Variants in SOBP observed in about 807,000 individuals in gnomAD.
The protein encoded by SOBP is sine oculis-binding protein homolog.
A neutral mutation model predicts 53.6 loss-of-function variants in SOBP; 4 were observed. The observed-to-expected ratio is 0.07, with a 90% CI of 0.04 to 0.17. The LOEUF is 0.17. SOBP is among the 10% of genes least tolerant of loss of function. The pLI is 1.00. For missense variants in SOBP, 1,088 were observed against 1,204.7 expected (o/e 0.90, Z 1.43); for synonymous variants, 584 against 522.6 (o/e 1.12, Z -1.60).
chr6:107,578,983 A>G (rs1785322127), intron 4 of SOBP, among the ~76,000 whole-genome samples: 1 of 152,156 alleles, frequency 6.6e-6, no homozygotes, highest in Non-Finnish European at 1.5e-5. Flanking sequence ...TAGTGATTTC[A>G]GAGAAAAGGA....
chr6:107,533,579 C>A lies in SOBP; in HGVS notation c.542C>A (p.Ala181Asp), dbSNP rs1583182279. The A allele has an allele frequency of 6.2e-7, 1 of 1,614,150 alleles. No individual in the cohort carries two copies. Among genetic ancestry groups the A allele is most frequent in the Non-Finnish European group, 8.5e-7 (1 of 1,180,012 alleles). Residue 181 changes from alanine (A) to aspartate (D), a missense_variant, in exon 4 of 7, where the codon GCC becomes GAC. By Grantham distance (126) the Ala-to-Asp change is moderately radical (BLOSUM62 -2). Coordinates refer to ENST00000317357, the MANE Select transcript of SOBP (RefSeq NM_018013.4). ...KSFCSEKCFA[A>D]CRRAYFKRNK... Reference sequence around the variant, plus strand: ...TTCTGCAGCGAGAAGTGCTTTGCGGCCTGCCGACGAGCCTACTTCAAGAGA... The same window carrying A: ...TTCTGCAGCGAGAAGTGCTTTGCGGACTGCCGACGAGCCTACTTCAAGAGA...
At chr6:107,602,835 A>G (rs1157673464) in intron 5 of SOBP, among the ~76,000 whole-genome samples, 1 of 152,200 alleles carries the variant, frequency 6.6e-6, no homozygotes, top group African/African-American at 2.4e-5. Context: ...ATGTCTGCAC[A>G]ACTCAAAACT....
intron 5 of SOBP, among the ~76,000 whole-genome samples, chr6:107,616,480 C>G (rs1386780070): frequency 2.0e-5 from 3 of 152,244 alleles, no homozygotes; most frequent in Non-Finnish European, 4.4e-5. Context: ...CTAGCTTCCT[C>G]TCTGGTCACA....
intron 3 of SOBP, among the ~76,000 whole-genome samples, chr6:107,521,970 A>C (rs1783512696): frequency 6.7e-6 from 1 of 149,866 alleles, no homozygotes. Flanking sequence ...AAACTCAATC[A>C]AGTCTGAGAA....
chr6:107,553,470 A>G (rs1270666838), intron 4 of SOBP, among the ~76,000 whole-genome samples: 1 of 149,880 alleles, frequency 6.7e-6, no homozygotes, highest in Non-Finnish European at 1.5e-5. Context: ...CTGGGACTAC[A>G]GGTGCACGCC....
intron 6 of SOBP, among the ~76,000 whole-genome samples, chr6:107,655,931 T>C (rs1481790406): frequency 6.6e-6 from 1 of 152,168 alleles, no homozygotes; most frequent in African/African-American, 2.4e-5. Context: ...AGTTGCAGCA[T>C]CCCTAAGTAA....
At chr6:107,648,771 A>G (rs1771670719) in intron 6 of SOBP, among the ~76,000 whole-genome samples, 1 of 152,016 alleles carries the variant, frequency 6.6e-6, no homozygotes, top group African/African-American at 2.4e-5. Context: ...ATTTCTGGCA[A>G]CCCTTCCTGG....
chr6:107,587,209 G>A (rs546929813), intron 5 of SOBP, 34 bp downstream of exon 5: 7 of 1,553,358 alleles, frequency 4.5e-6, no homozygotes, highest in Non-Finnish European at 6.2e-6. Flanking sequence ...AGTCTAGAAT[G>A]TTACTTTAGC....
chr6:107,601,104 A>T (rs1786162763), intron 5 of SOBP, among the ~76,000 whole-genome samples: 1 of 152,210 alleles, frequency 6.6e-6, no homozygotes, highest in Admixed American at 6.5e-5. Context: ...CTCAGACTCC[A>T]AGGTCTCTCC....
chr6:107,628,491 T>A (rs1379133498), intron 5 of SOBP, among the ~76,000 whole-genome samples: 1 of 152,196 alleles, frequency 6.6e-6, no homozygotes, highest in Non-Finnish European at 1.5e-5. Flanking sequence ...AAAATCTCCC[T>A]TTCCCTCTTC....
intron 4 of SOBP, among the ~76,000 whole-genome samples, chr6:107,576,361 C>T (rs1238190245): frequency 1.3e-5 from 2 of 152,206 alleles, no homozygotes; most frequent in Non-Finnish European, 2.9e-5. Context: ...TAGATCTTTA[C>T]ATATATAATA....
At chr6:107,587,722 G>A (rs757014196) in intron 5 of SOBP, among the ~76,000 whole-genome samples, 18 of 152,154 alleles carry the variant, frequency 1.2e-4, no homozygotes, top group Non-Finnish European at 2.4e-4. Flanking sequence ...GTCGTGAGAG[G>A]GAGGATATCA....
At chr6:107,617,216 C>T (rs375253357) in intron 5 of SOBP, among the ~76,000 whole-genome samples, 1 of 152,262 alleles carries the variant, frequency 6.6e-6, no homozygotes, top group African/African-American at 2.4e-5. Context: ...TCCAAGGAAA[C>T]CCTCACATAC....
chr6:107,632,357 A>AT, intron 5 of SOBP, among the ~76,000 whole-genome samples: 1 of 150,762 alleles, frequency 6.6e-6, no homozygotes, highest in East Asian at 2.0e-4. Flanking sequence ...AAGAAAAAAG[A>AT]TTGTGTGTGT....
intron 1 of SOBP, among the ~76,000 whole-genome samples, chr6:107,500,163 AG>A (rs1348201859): frequency 6.6e-6 from 1 of 152,110 alleles, no homozygotes; most frequent in African/African-American, 2.4e-5. Context: ...AGGCCGAAGC[AG>A]GTGGATCACT....
At chr6:107,607,847 G>A (rs929770197) in intron 5 of SOBP, among the ~76,000 whole-genome samples, 5 of 152,216 alleles carry the variant, frequency 3.3e-5, no homozygotes, top group Non-Finnish European at 7.3e-5. Context: ...GAGACACACT[G>A]TGTCAATCCA....
intron 4 of SOBP, among the ~76,000 whole-genome samples, chr6:107,534,564 G>C (rs1013951143): frequency 6.6e-6 from 1 of 152,168 alleles, no homozygotes; most frequent in Admixed American, 6.5e-5. Context: ...CCAAAAGTGT[G>C]ATATTTGCAA....
In SOBP at chr6:107,618,385, C is replaced by T. The variant is rs1319309897; in HGVS notation, c.670-15129C>T. ...GGGGTAGCTGATCACCCATTCTCCT[C>T]TTGAGACCATAGTTCTTTGGCCCTT... On this transcript the variant is annotated intron_variant, in intron 5 of 6. Coordinates refer to ENST00000317357, the MANE Select transcript of SOBP (RefSeq NM_018013.4). 3.9e-5 allele frequency among the ~76,000 whole-genome samples: 6 copies of T among 152,324 alleles called. No homozygotes were observed. In the East Asian group the frequency reaches 1.2e-3, roughly 29 times the overall value.
At chr6:107,600,129 C>G (rs1448849244) in intron 5 of SOBP, among the ~76,000 whole-genome samples, 2 of 152,144 alleles carry the variant, frequency 1.3e-5, no homozygotes, top group Non-Finnish European at 2.9e-5. Context: ...TCTTTCTGAG[C>G]CTAATATACC....
Sources: allele counts gnomAD v4.1 joint callset (sites outside exome capture counted in the v4.1 genomes callset), GRCh38; gene constraint gnomAD v4.1.1; transcripts MANE v1.5; gene names NCBI Gene and HGNC (gene_info 2026-07-23, HGNC 2026-07-21).